Variants in AFG1L observed in about 807,000 individuals in gnomAD.
The protein encoded by AFG1L is AFG1-like ATPase.
In AFG1L, 53 loss-of-function variants were observed where a neutral mutation model predicts 62.2. That is an observed-to-expected ratio of 0.85 (90% CI 0.68 to 1.07). The LOEUF (loss-of-function observed/expected upper bound fraction) is 1.07. AFG1L is among the 50% of genes least tolerant of loss of function. AFG1L has a pLI of 0.00. For missense variants in AFG1L, 555 were observed against 590.5 expected, an observed-to-expected ratio of 0.94 and a Z score of 0.62; for synonymous variants, 228 against 210.3, an observed-to-expected ratio of 1.08 and a Z score of -0.73.
At chr6:108,399,960 G>A (rs1223564852) in intron 6 of AFG1L, among the ~76,000 whole-genome samples, 4 of 151,420 alleles carry the variant, frequency 2.6e-5, no homozygotes, top group African/African-American at 9.7e-5. Context: ...TGTATTTTTT[G>A]TGGAGATGGG....
chr6:108,383,957 C>T (rs1325959002), intron 6 of AFG1L, among the ~76,000 whole-genome samples: 1 of 151,512 alleles, frequency 6.6e-6, no homozygotes, highest in Non-Finnish European at 1.5e-5. Context: ...AAAACGAAAA[C>T]CTCTTCAGTA....
chr6:108,509,503 G>A (rs988784911), intron 10 of AFG1L, among the ~76,000 whole-genome samples: 6 of 152,148 alleles, frequency 3.9e-5, no homozygotes, highest in African/African-American at 7.2e-5. Flanking sequence ...TAGCTCCATT[G>A]ACCAATAGTG....
chr6:108,347,174 G>C (rs1041562850), intron 3 of AFG1L, 135 bp downstream of exon 3: 11 of 714,068 alleles, frequency 1.5e-5, no homozygotes, highest in African/African-American at 9.0e-5. Context: ...GGTAGGGAGA[G>C]AAGAAAAGGG....
At chr6:108,354,253 G>A (rs1034459995) in intron 3 of AFG1L, among the ~76,000 whole-genome samples, 18 of 152,104 alleles carry the variant, frequency 1.2e-4, no homozygotes, top group Non-Finnish European at 1.9e-4. Flanking sequence ...TATTCACAGA[G>A]GATAGTTCCA....
chr6:108,385,816 G>C (rs563725019), intron 6 of AFG1L, among the ~76,000 whole-genome samples: 2 of 152,248 alleles, frequency 1.3e-5, no homozygotes, highest in Admixed American at 1.3e-4. Context: ...TCTTATTCTA[G>C]AACTTCCTGC....
chr6:108,378,947 C>T (rs955025278), intron 6 of AFG1L, among the ~76,000 whole-genome samples: 1 of 149,218 alleles, frequency 6.7e-6, no homozygotes, highest in African/African-American at 2.5e-5. Flanking sequence ...GATCTTTTGG[C>T]TTTGCTTGAA....
intron 6 of AFG1L, among the ~76,000 whole-genome samples, chr6:108,369,947 G>GCTGGCTAT (rs1554189700): frequency 2.1e-4 from 28 of 130,246 alleles, no homozygotes; most frequent in Non-Finnish European, 2.6e-4. Context: ...TGGCTGGCTG[G>GCTGGCTAT]CTATCTATCT....
rs149352837 is a variant in AFG1L, at chr6:108,486,586, A to G, written c.1062+9294A>G. On this transcript the variant is annotated intron_variant, in intron 10 of 12. Coordinates refer to ENST00000368977, the MANE Select transcript of AFG1L (RefSeq NM_145315.5). ...GGAGCCATAATATCTTAAGAATTAT[A>G]AGATTTTCACATATTTTAGGGTTAA... 9.5e-3 allele frequency among the ~76,000 whole-genome samples: 1,448 copies of G among 152,324 alleles called. 17 individuals are homozygous for G. Among genetic ancestry groups the G allele is most frequent in the African/African-American group, 0.033 (1,367 of 41,556 alleles).
chr6:108,375,196 T>C (rs1222726662), intron 6 of AFG1L, among the ~76,000 whole-genome samples: 1 of 152,226 alleles, frequency 6.6e-6, no homozygotes, highest in Admixed American at 6.5e-5. Flanking sequence ...GAAACTTTCC[T>C]GAAGTTATTT....
At chr6:108,500,506 C>T (rs1321332997) in intron 10 of AFG1L, among the ~76,000 whole-genome samples, 1 of 151,554 alleles carries the variant, frequency 6.6e-6, no homozygotes, top group African/African-American at 2.4e-5. Context: ...TATATATTTA[C>T]ACACACACAC....
chr6:108,486,075 A>C (rs1422566224), intron 10 of AFG1L, among the ~76,000 whole-genome samples: 1 of 152,200 alleles, frequency 6.6e-6, no homozygotes, highest in Non-Finnish European at 1.5e-5. Context: ...ATAATTAAGA[A>C]TAGCTCTCTA....
rs116667798 is a variant in AFG1L at position 108,408,817 on chromosome 6, G to A, written c.807+6763G>A. ...TTAGTTATAAAGGAAAAGAAGATCA[G>A]GTTTTTTTTCTTTTTTCTTTTTTTT... is the stretch of plus-strand genomic sequence containing the variant. On this transcript the variant is annotated intron_variant, in intron 7 of 12. Coordinates refer to ENST00000368977, the MANE Select transcript of AFG1L (RefSeq NM_145315.5). 3.9e-3 allele frequency among the ~76,000 whole-genome samples: 591 copies of A among 152,044 alleles called. 5 individuals are homozygous for A. Among genetic ancestry groups the A allele is most frequent in the African/African-American group, 0.014 (567 of 41,478 alleles).
At chr6:108,307,245 G>T (rs902330868) in intron 1 of AFG1L, among the ~76,000 whole-genome samples, 1 of 151,820 alleles carries the variant, frequency 6.6e-6, no homozygotes, top group African/African-American at 2.4e-5. Flanking sequence ...AACTCCTGAC[G>T]TCGTGATTTG....
At chr6:108,444,151 A>T (rs546922457) in intron 7 of AFG1L, among the ~76,000 whole-genome samples, 21 of 152,212 alleles carry the variant, frequency 1.4e-4, no homozygotes, top group South Asian at 4.2e-4. Context: ...GTTCTAGGCT[A>T]CTGCAATACA....
chr6:108,333,408 C>CAA (rs112132179), intron 2 of AFG1L, among the ~76,000 whole-genome samples: 4 of 132,812 alleles, frequency 3.0e-5, no homozygotes, highest in African/African-American at 5.5e-5. Context: ...GACTCCATCT[C>CAA]AAAAAAAAAA....
chr6:108,301,776 G>A (rs1030198369), intron 1 of AFG1L, among the ~76,000 whole-genome samples: 1 of 152,170 alleles, frequency 6.6e-6, no homozygotes, highest in African/African-American at 2.4e-5. Context: ...ATGTGGGGTT[G>A]CTAGGTGATT....
intron 7 of AFG1L, among the ~76,000 whole-genome samples, chr6:108,417,079 A>G (rs1244121381): frequency 1.3e-5 from 2 of 151,738 alleles, no homozygotes; most frequent in Non-Finnish European, 2.9e-5. Context: ...CAAAAAAATA[A>G]AAAATTTAGT....
intron 10 of AFG1L, among the ~76,000 whole-genome samples, chr6:108,480,483 CT>C: frequency 6.6e-6 from 1 of 152,134 alleles, no homozygotes; most frequent in Non-Finnish European, 1.5e-5. Flanking sequence ...TACATTGTAT[CT>C]GAAGATGTTC....
chr6:108,386,860 G>A (rs932104050), intron 6 of AFG1L, among the ~76,000 whole-genome samples: 10 of 152,080 alleles, frequency 6.6e-5, no homozygotes, highest in Non-Finnish European at 1.2e-4. Context: ...AGCTAAGGAT[G>A]TATATTGTAA....
Sources: allele counts gnomAD v4.1 joint callset (sites outside exome capture counted in the v4.1 genomes callset), GRCh38; gene constraint gnomAD v4.1.1; transcripts MANE v1.5; gene names NCBI Gene and HGNC (gene_info 2026-07-23, HGNC 2026-07-21).